The following CLSTN2 variants were observed in gnomAD, a reference collection of about 807,000 sequenced individuals.
The protein encoded by CLSTN2 is calsyntenin-2.
A neutral mutation model predicts 101.2 loss-of-function variants in CLSTN2; 48 were observed. That is an observed-to-expected ratio of 0.47 (90% CI 0.38 to 0.60). The LOEUF (loss-of-function observed/expected upper bound fraction) is 0.60. Ranked by LOEUF, CLSTN2 falls within the 20% of genes least tolerant of loss-of-function variation. The pLI, the probability that CLSTN2 is intolerant of heterozygous loss-of-function variation, is 0.00. For missense variants in CLSTN2, 1,160 were observed against 1,238.2 expected, an observed-to-expected ratio of 0.94 and a Z score of 0.95; for synonymous variants, 481 against 463.6, an observed-to-expected ratio of 1.04 and a Z score of -0.48.
chr3:140,221,654 G>T (rs991740481), intron 2 of CLSTN2, among the ~76,000 whole-genome samples: 1 of 152,134 alleles, frequency 6.6e-6, no homozygotes, highest in Non-Finnish European at 1.5e-5. Context: ...GTAGTAATCT[G>T]ACTTAAAAAT....
At chr3:140,411,176 A>G (rs1337386844) in intron 4 of CLSTN2, among the ~76,000 whole-genome samples, 1 of 152,244 alleles carries the variant, frequency 6.6e-6, no homozygotes, top group Non-Finnish European at 1.5e-5. Context: ...TGATGCCTAT[A>G]AGAGATTCAC....
chr3:140,400,461 G>A (rs528351730), intron 2 of CLSTN2, among the ~76,000 whole-genome samples: 1 of 152,294 alleles, frequency 6.6e-6, no homozygotes, highest in East Asian at 1.9e-4. Context: ...AGCACTTTGG[G>A]AGGCCGACAG....
chr3:139,992,890 G>A (rs1560064106), intron 1 of CLSTN2, among the ~76,000 whole-genome samples: 2 of 152,062 alleles, frequency 1.3e-5, no homozygotes, highest in African/African-American at 2.4e-5. Context: ...CACTTCCCTG[G>A]AGACCAGACT....
chr3:140,306,848 T>TTTTTTA (rs767586358), intron 2 of CLSTN2, among the ~76,000 whole-genome samples: 3 of 141,968 alleles, frequency 2.1e-5, no homozygotes, highest in Non-Finnish European at 4.6e-5. Context: ...TTTTTGTCTT[T>TTTTTTA]TTATTATTAT....
intron 1 of CLSTN2, among the ~76,000 whole-genome samples, chr3:140,009,931 A>T (rs1182587690): frequency 2.6e-5 from 4 of 152,216 alleles, no homozygotes; most frequent in Non-Finnish European, 5.9e-5. Flanking sequence ...ACGTTGCTTC[A>T]TGAGGCTCAC....
At chr3:140,140,112 T>G (rs2009674505) in intron 1 of CLSTN2, among the ~76,000 whole-genome samples, 1 of 152,180 alleles carries the variant, frequency 6.6e-6, no homozygotes, top group Non-Finnish European at 1.5e-5. Context: ...ATAATGTGCA[T>G]TTGTAGCAAG....
intron 1 of CLSTN2, among the ~76,000 whole-genome samples, chr3:139,966,786 A>C (rs1012020792): frequency 1.1e-4 from 16 of 152,224 alleles, no homozygotes; most frequent in African/African-American, 3.9e-4. Context: ...GTGCTGAGTC[A>C]GGCCTATGGC....
At chr3:140,415,274 A>T (rs2088415492) in intron 4 of CLSTN2, among the ~76,000 whole-genome samples, 1 of 152,068 alleles carries the variant, frequency 6.6e-6, no homozygotes, top group Non-Finnish European at 1.5e-5. Flanking sequence ...TGGCATTGGT[A>T]GTGGCAACAA....
chr3:140,262,762 G>T (rs934211272), intron 2 of CLSTN2, among the ~76,000 whole-genome samples: 2 of 152,028 alleles, frequency 1.3e-5, no homozygotes, highest in Non-Finnish European at 2.9e-5. Context: ...AAAGGTTTTT[G>T]GTCTGGAAGC....
At chr3:140,411,160 A>C (rs1159109087) in intron 4 of CLSTN2, among the ~76,000 whole-genome samples, 1 of 152,232 alleles carries the variant, frequency 6.6e-6, no homozygotes, top group African/African-American at 2.4e-5. Flanking sequence ...ACAAGACCCA[A>C]CTATATGATG....
intron 1 of CLSTN2, among the ~76,000 whole-genome samples, chr3:139,947,179 T>C (rs1286548906): frequency 2.6e-5 from 4 of 152,218 alleles, no homozygotes; most frequent in African/African-American, 9.6e-5. Context: ...AGTGAATCAC[T>C]AATGATAAAG....
intron 6 of CLSTN2, among the ~76,000 whole-genome samples, chr3:140,459,078 C>T (rs1933489558): frequency 6.6e-6 from 1 of 152,150 alleles, no homozygotes; most frequent in Non-Finnish European, 1.5e-5. Context: ...TCTGACTCAC[C>T]TTCATAGAGC....
chr3:140,064,293 T>TCTC, intron 1 of CLSTN2, among the ~76,000 whole-genome samples: 1 of 152,324 alleles, frequency 6.6e-6, no homozygotes, highest in Non-Finnish European at 1.5e-5. Flanking sequence ...AAGGTTTTGA[T>TCTC]CTCCTTTTCC....
In CLSTN2 at chr3:140,403,811, A is replaced by T; in HGVS notation, c.415A>T (p.Lys139Ter). ...CGAGPHETAW[K>*]KSHKAVVHIQ... is the part of the protein sequence containing the mutation. ...TGCTGGGCCCCACGAGACAGCCTGG[A>T]AAAAGTCACACAAGTGAGTGGCCTG... Residue 139 changes from lysine to a stop codon, truncating the protein, a stop_gained, in exon 3 of 17, where the codon AAA becomes TAA. Coordinates refer to ENST00000458420, the MANE Select transcript of CLSTN2 (RefSeq NM_022131.3). LOFTEE classifies it high-confidence loss of function. 1 of 1,609,398 alleles carries T rather than the reference A, an allele frequency of 6.2e-7. No individual in the cohort carries two copies. The highest frequency in any genetic ancestry group is 8.5e-7 in the Non-Finnish European group (1 of 1,177,110).
chr3:139,958,926 A>G lies in CLSTN2; in HGVS notation c.109+23443A>G, dbSNP rs372783863. Among the ~76,000 whole-genome samples, 249 of 150,570 alleles carry G rather than the reference A, an allele frequency of 1.7e-3. 3 individuals are homozygous for G. The highest frequency in any genetic ancestry group is 5.8e-3 in the African/African-American group (239 of 40,876). ...CATTTGCCTGTTTGGTGTCAGATCT[A>G]TTTCTACCCTTCTGTTACTTAGCTC... On this transcript the variant is annotated intron_variant, in intron 1 of 16. Coordinates refer to ENST00000458420, the MANE Select transcript of CLSTN2 (RefSeq NM_022131.3).
intron 1 of CLSTN2, among the ~76,000 whole-genome samples, chr3:139,983,964 A>T (rs1307167717): frequency 6.6e-6 from 1 of 152,206 alleles, no homozygotes; most frequent in Non-Finnish European, 1.5e-5. Flanking sequence ...AACCTCCCCA[A>T]ATGTTCTTCA....
At chr3:140,385,298 A>T (rs1025962888) in intron 2 of CLSTN2, among the ~76,000 whole-genome samples, 1 of 150,014 alleles carries the variant, frequency 6.7e-6, no homozygotes. Flanking sequence ...GCTCACTCTC[A>T]TGATGGCTCA....
intron 2 of CLSTN2, among the ~76,000 whole-genome samples, chr3:140,341,641 C>G (rs1279544050): frequency 6.6e-6 from 1 of 152,224 alleles, no homozygotes; most frequent in African/African-American, 2.4e-5. Context: ...ACTCAAAACA[C>G]AGCACCCAGC....
intron 2 of CLSTN2, among the ~76,000 whole-genome samples, chr3:140,188,229 C>T (rs2010509756): frequency 6.6e-6 from 1 of 152,184 alleles, no homozygotes; most frequent in African/African-American, 2.4e-5. Context: ...CGTGTTTGCT[C>T]CTGGGCTCAG....
Sources: allele counts gnomAD v4.1 joint callset (sites outside exome capture counted in the v4.1 genomes callset), GRCh38; gene constraint gnomAD v4.1.1; transcripts MANE v1.5; gene names NCBI Gene and HGNC (gene_info 2026-07-23, HGNC 2026-07-21).